The following SLC36A1 variants were observed in gnomAD, a reference collection of about 807,000 sequenced individuals.
SLC36A1 encodes the protein solute carrier family 36 member 1, also known as proton-coupled amino acid transporter 1.
Under a neutral mutation model 47.5 loss-of-function variants are expected in SLC36A1, and 30 were observed. The observed-to-expected ratio is 0.63, with a 90% CI of 0.47 to 0.86. The LOEUF (loss-of-function observed/expected upper bound fraction) is 0.86, where lower values mean the gene tolerates loss of function less well. Ranked by LOEUF, SLC36A1 falls within the 40% of genes least tolerant of loss-of-function variation. The pLI is 0.00. For synonymous variants in SLC36A1, 255 were observed against 249.7 expected, an observed-to-expected ratio of 1.02 and a Z score of -0.20; for missense variants, 517 against 606.0, an observed-to-expected ratio of 0.85 and a Z score of 1.54.
the SLC36A1 span, among the ~76,000 whole-genome samples, chr5:151,519,814 T>C: frequency 6.6e-6 from 1 of 152,188 alleles, no homozygotes; most frequent in Non-Finnish European, 1.5e-5. Context: ...TTATCTAGTA[T>C]TTCTTCAATG....
chr5:151,542,987 T>C, the SLC36A1 span: 8 of 1,614,190 alleles, frequency 5.0e-6, no homozygotes, highest in Non-Finnish European at 6.8e-6. Context: ...GCCACTGCTT[T>C]AACAATCCCA....
chr5:151,424,414 G>T, the SLC36A1 span, among the ~76,000 whole-genome samples: 5 of 152,204 alleles, frequency 3.3e-5, no homozygotes, highest in Non-Finnish European at 7.3e-5. Context: ...GCGAAGCTAA[G>T]AAGGTAGGAA....
chr5:151,527,341 T>C, the SLC36A1 span: 2 of 1,612,636 alleles, frequency 1.2e-6, no homozygotes, highest in South Asian at 1.1e-5. Flanking sequence ...GGCTGCCCAC[T>C]GTCTGTGGCT....
intron 8 of SLC36A1, among the ~76,000 whole-genome samples, chr5:151,474,178 A>AAAAAAAGAGAG (rs776318482): frequency 8.4e-6 from 1 of 119,008 alleles, no homozygotes; most frequent in African/African-American, 4.5e-5. Context: ...AAAAAAAAAA[A>AAAAAAAGAGAG]AGAAATTATC....
chr5:151,490,671 A>G lies in SLC36A1; in HGVS notation c.*2417A>G, dbSNP rs552856747. ...AAGCCAATTTGGCATGGCCTATTTG[A>G]TCTCTGGCTTGTGCTCCTGCTACAC... On this transcript the variant is annotated 3_prime_UTR_variant, in exon 11 of 11. Transcript: ENST00000243389. 1 of 152,164 alleles carries G rather than the reference A, an allele frequency of 6.6e-6. No homozygotes were observed. Among genetic ancestry groups the G allele is most frequent in the African/African-American group, 2.4e-5 (1 of 41,420 alleles). The allele number at this position is 152,164 out of a possible 1,614,324, so 9.4% of individuals were successfully genotyped here. A position where few individuals can be genotyped will look rare whatever the true frequency, so the allele number is the denominator to read the frequency against.
the SLC36A1 span, chr5:151,543,935 C>T: frequency 6.2e-7 from 1 of 1,614,160 alleles, no homozygotes; most frequent in Non-Finnish European, 8.5e-7. Context: ...ACTTTAAGAA[C>T]CAGGTGTCCA....
the SLC36A1 span, among the ~76,000 whole-genome samples, chr5:151,405,151 A>AT: frequency 1.3e-5 from 2 of 152,084 alleles, no homozygotes; most frequent in African/African-American, 4.8e-5. Context: ...CTCTGAAATT[A>AT]TTCTTTCAGC....
the SLC36A1 span, chr5:151,527,239 C>T: frequency 1.2e-5 from 20 of 1,607,542 alleles, 1 homozygote; most frequent in Non-Finnish European, 1.6e-5. Context: ...CTTACCTGGA[C>T]AGTGGTGCTG....
chr5:151,544,791 A>T, the SLC36A1 span: 1 of 1,614,184 alleles, frequency 6.2e-7, no homozygotes, highest in Admixed American at 1.7e-5. Context: ...AATATGTGTA[A>T]TCTTCTGCAA....
chr5:151,520,927 A>G, the SLC36A1 span, among the ~76,000 whole-genome samples: 1 of 152,234 alleles, frequency 6.6e-6, no homozygotes, highest in East Asian at 1.9e-4. Flanking sequence ...CCCAGCTCAA[A>G]GGCACAGAGA....
chr5:151,532,613 T>C, the SLC36A1 span, among the ~76,000 whole-genome samples: 3 of 152,254 alleles, frequency 2.0e-5, no homozygotes, highest in African/African-American at 7.2e-5. Context: ...ATGGAGTCTA[T>C]AATTACGTCA....
At position 151,479,225 on chromosome 5, in the gene SLC36A1, G is replaced by A; in HGVS notation, c.990-95G>A. On this transcript the variant is annotated intron_variant, in intron 9 of 10. Transcript: ENST00000243389. ...ACATGTGGGTTTGTATCCTTGATAAGTGTCAACAAATCGCAATGGGACCAT... is the reference window on the plus strand; with the variant it reads ...ACATGTGGGTTTGTATCCTTGATAAATGTCAACAAATCGCAATGGGACCAT... The A allele has an allele frequency of 3.0e-6, 4 of 1,344,768 alleles. No homozygotes were observed. In the South Asian group the frequency reaches 4.1e-5, roughly 14 times the overall value. 83.3% of individuals were successfully genotyped at this position (1,344,768 alleles called of 1,614,324 possible). A position where few individuals can be genotyped will look rare whatever the true frequency, so the allele number is the denominator to read the frequency against.
upstream of SLC36A1, among the ~76,000 whole-genome samples, chr5:151,446,422 T>G (rs1016503916): frequency 1.3e-5 from 2 of 151,946 alleles, no homozygotes; most frequent in African/African-American, 4.8e-5. Flanking sequence ...CCCAGCTACT[T>G]GGGAGGCTGA....
the SLC36A1 span, among the ~76,000 whole-genome samples, chr5:151,519,952 CTT>C: frequency 6.6e-6 from 1 of 152,172 alleles, no homozygotes; most frequent in Non-Finnish European, 1.5e-5. Context: ...CTCCAGTAGA[CTT>C]TGCAAAATCT....
chr5:151,436,869 C>A (rs895252287), upstream of SLC36A1, among the ~76,000 whole-genome samples: 2 of 152,094 alleles, frequency 1.3e-5, no homozygotes, highest in Non-Finnish European at 2.9e-5. Flanking sequence ...ACTGACGGGA[C>A]CTGCTAGTAA....
chr5:151,388,794 C>G, the SLC36A1 span, among the ~76,000 whole-genome samples: 1 of 151,840 alleles, frequency 6.6e-6, no homozygotes, highest in African/African-American at 2.4e-5. Context: ...TGAAATAACT[C>G]GGCCTCTACC....
chr5:151,360,479 G>T, the SLC36A1 span, among the ~76,000 whole-genome samples: 3,551 of 152,160 alleles, frequency 0.023, 128 homozygotes, highest in African/African-American at 0.076. Context: ...TGAGTAGGCT[G>T]AGGAGGAGGA....
At chr5:151,554,566 G>C in the SLC36A1 span, 1 of 1,614,224 alleles carries the variant, frequency 6.2e-7, no homozygotes, top group South Asian at 1.1e-5. Context: ...GGCGGACATT[G>C]AAGAGCTTGT....
the SLC36A1 span, chr5:151,506,215 C>CGA: frequency 9.3e-7 from 1 of 1,078,896 alleles, no homozygotes; most frequent in Non-Finnish European, 1.3e-6. Context: ...TGGGCATAGG[C>CGA]CCATCTGTGC....
Sources: gnomAD v4.1 joint callset for allele counts (sites outside exome capture counted in the v4.1 genomes callset) on GRCh38, gnomAD v4.1.1 for gene constraint, MANE v1.5 for transcripts, NCBI Gene and HGNC (gene_info 2026-07-23, HGNC 2026-07-21) for gene names.